The following GRB10 variants were observed in gnomAD, a reference collection of about 807,000 sequenced individuals.
GRB10 encodes the protein growth factor receptor-bound protein 10.
A neutral mutation model predicts 80.9 loss-of-function variants in GRB10; 20 were observed. The observed-to-expected ratio is 0.25, with a 90% confidence interval of 0.17 to 0.36. The LOEUF is 0.36. GRB10 is among the 10% of genes least tolerant of loss of function. GRB10 has a pLI of 1.00. For missense variants in GRB10, 548 were observed against 747.7 expected, an observed-to-expected ratio of 0.73 and a Z score of 3.12; for synonymous variants, 291 against 291.5, an observed-to-expected ratio of 1.00 and a Z score of 0.02.
Position 50,616,237 on chromosome 7 carries a change from A to G in GRB10, c.957T>C (p.Leu319=). The part of the protein sequence containing the change: ...KLYVCLRRSG[L]YCSTKGTSKE... ...TTGAAGTTCCCTTGGTGGAGCAATA[A>G]AGGCCAGATCTCCGCAAACACACAT... is the stretch of plus-strand genomic sequence containing the variant. The change falls in exon 11 of 19, where the codon CTT becomes CTC. Residue 319 remains leucine (L), a synonymous_variant. Transcript: ENST00000401949. 11 of 1,614,146 alleles carry G rather than the reference A, an allele frequency of 6.8e-6. No individual in the cohort carries two copies. The highest frequency in any genetic ancestry group is 7.6e-6 in the Non-Finnish European group (9 of 1,180,022).
chr7:50,788,603 C>T (rs1322001526), intron 1 of GRB10, among the ~76,000 whole-genome samples: 1 of 152,172 alleles, frequency 6.6e-6, no homozygotes, highest in Non-Finnish European at 1.5e-5. Context: ...CCAACACACG[C>T]CAAAGTGCCA....
intron 2 of GRB10, among the ~76,000 whole-genome samples, chr7:50,775,624 G>A (rs999058530): frequency 1.2e-4 from 18 of 152,176 alleles, no homozygotes; most frequent in African/African-American, 4.1e-4. Context: ...TGGCACTCCT[G>A]CCCCATGGCT....
At chr7:50,628,481 T>C (rs754785030) in intron 7 of GRB10, among the ~76,000 whole-genome samples, 1 of 152,136 alleles carries the variant, frequency 6.6e-6, no homozygotes, top group Non-Finnish European at 1.5e-5. Flanking sequence ...AGGGACCCTC[T>C]TGACCCTCCT....
At chr7:50,710,884 G>A in intron 4 of GRB10, 1 of 1,612,768 alleles carries the variant, frequency 6.2e-7, no homozygotes, top group African/African-American at 1.3e-5. Context: ...CCTTACTACG[G>A]AACAGAGGGC....
At chr7:50,603,492 GCAA>G (rs2047978110) in intron 17 of GRB10, among the ~76,000 whole-genome samples, 3 of 152,170 alleles carry the variant, frequency 2.0e-5, no homozygotes, top group African/African-American at 7.2e-5. Flanking sequence ...ACAGCTCACA[GCAA>G]CAACCAAACA....
chr7:50,700,180 T>C (rs961668655), intron 5 of GRB10, among the ~76,000 whole-genome samples: 30 of 152,168 alleles, frequency 2.0e-4, no homozygotes, highest in African/African-American at 6.5e-4. Context: ...AAGTTTAATA[T>C]CACTCATCTG....
intron 2 of GRB10, among the ~76,000 whole-genome samples, chr7:50,773,624 A>G (rs1281914697): frequency 6.6e-6 from 1 of 152,188 alleles, no homozygotes; most frequent in African/African-American, 2.4e-5. Context: ...CAGCTGCTCT[A>G]GAAAACAGTT....
rs543631315 is a variant in GRB10 at position 50,614,975 on chromosome 7, A to T, written c.985-95T>A. Reference sequence around the variant, plus strand: ...AGAGGGCAGTCTCTGCACACTTACAAGCACTTTCCCCGATGACACTATACA... The same window carrying T: ...AGAGGGCAGTCTCTGCACACTTACATGCACTTTCCCCGATGACACTATACA... On this transcript the variant is annotated intron_variant, in intron 11 of 18. Coordinates refer to ENST00000401949, the MANE Select transcript of GRB10 (RefSeq NM_001350814.2). 9 of 797,662 alleles carry T rather than the reference A, an allele frequency of 1.1e-5. No individual in the cohort carries two copies. The Admixed American group carries it at 1.3e-4, about 11-fold the overall frequency. The allele number at this position is 797,662 out of a possible 1,614,324, so 49.4% of individuals were successfully genotyped here. A position where few individuals can be genotyped will look rare whatever the true frequency, so the allele number is the denominator to read the frequency against.
chr7:50,749,130 G>GGTTT (rs2073646861), intron 3 of GRB10, among the ~76,000 whole-genome samples: 1 of 139,546 alleles, frequency 7.2e-6, no homozygotes, highest in Admixed American at 7.4e-5. Flanking sequence ...TTGTTTTTTT[G>GGTTT]TTTGTTTTTT....
At chr7:50,645,703 C>T (rs764597519) in intron 7 of GRB10, 14 of 747,214 alleles carry the variant, frequency 1.9e-5, no homozygotes, top group Non-Finnish European at 2.3e-5. Flanking sequence ...TCCATTTGCT[C>T]CCAGACAGGC....
At chr7:50,734,389 G>T (rs1400517542) in intron 3 of GRB10, among the ~76,000 whole-genome samples, 3 of 152,158 alleles carry the variant, frequency 2.0e-5, no homozygotes, top group African/African-American at 7.2e-5. Flanking sequence ...GCCTGGGAGA[G>T]GAAGGAGTGT....
intron 4 of GRB10, among the ~76,000 whole-genome samples, chr7:50,711,955 C>T (rs962079124): frequency 6.6e-6 from 1 of 152,162 alleles, no homozygotes; most frequent in African/African-American, 2.4e-5. Flanking sequence ...CAGCGAATCA[C>T]ATCTCGTAAG....
chr7:50,611,604 T>A (rs1330438564), intron 13 of GRB10, among the ~76,000 whole-genome samples: 1 of 152,170 alleles, frequency 6.6e-6, no homozygotes, highest in Non-Finnish European at 1.5e-5. Context: ...CACTAGGATG[T>A]ATCCTTAATG....
chr7:50,606,183 C>T (rs1432523808), intron 14 of GRB10, among the ~76,000 whole-genome samples, 154 bp downstream of exon 14: 1 of 152,196 alleles, frequency 6.6e-6, no homozygotes, highest in Admixed American at 6.5e-5. Flanking sequence ...GACTACAAAA[C>T]CCACGTCATC....
intron 5 of GRB10, among the ~76,000 whole-genome samples, chr7:50,696,014 C>T (rs1435829315): frequency 6.6e-6 from 1 of 152,126 alleles, no homozygotes; most frequent in Non-Finnish European, 1.5e-5. Context: ...TAAATCTGAG[C>T]ATCTTCTCAA....
chr7:50,622,802 T>A (rs887822637), intron 8 of GRB10, among the ~76,000 whole-genome samples: 77 of 151,672 alleles, frequency 5.1e-4, no homozygotes, highest in African/African-American at 1.8e-3. Flanking sequence ...TTTTTTTTTT[T>A]AATTTTTGAG....
chr7:50,633,128 A>G (rs574424767), intron 7 of GRB10, among the ~76,000 whole-genome samples: 7 of 152,310 alleles, frequency 4.6e-5, no homozygotes, highest in Admixed American at 3.9e-4. Flanking sequence ...TGCATAACTC[A>G]AAGTAATTCC....
intron 8 of GRB10, among the ~76,000 whole-genome samples, chr7:50,623,213 C>T (rs1022791619): frequency 7.9e-5 from 12 of 152,206 alleles, no homozygotes; most frequent in Non-Finnish European, 1.8e-4. Flanking sequence ...AAGAACTCCA[C>T]TCCAGACACT....
chr7:50,761,062 A>G (rs2075710564), intron 2 of GRB10, among the ~76,000 whole-genome samples: 1 of 152,226 alleles, frequency 6.6e-6, no homozygotes, highest in African/African-American at 2.4e-5. Flanking sequence ...TTTAATTAAG[A>G]ACAACTAGAT....
Sources: gnomAD v4.1 joint callset for allele counts (sites outside exome capture counted in the v4.1 genomes callset) on GRCh38, gnomAD v4.1.1 for gene constraint, MANE v1.5 for transcripts, NCBI Gene and HGNC (gene_info 2026-07-23, HGNC 2026-07-21) for gene names.